NAGA: variants seen among roughly 807,000 people sequenced by gnomAD.
The protein encoded by NAGA is Acetylgalactosaminidase, alpha-N- (alpha-galactosidase B).
NAGA carries 42 observed loss-of-function variants against 45.6 expected under a neutral mutation model. That is an observed-to-expected ratio of 0.92 (90% CI 0.72 to 1.19). NAGA has a LOEUF of 1.19. NAGA is among the 50% of genes most tolerant of loss of function. The probability of loss-of-function intolerance (pLI) is 0.00; values close to 1 mark genes in which losing one functional copy is unlikely to be tolerated. For synonymous variants in NAGA, 176 were observed against 203.1 expected, an observed-to-expected ratio of 0.87 and a Z score of 1.13; for missense variants, 493 against 544.8, an observed-to-expected ratio of 0.90 and a Z score of 0.95.
intron 7 of NAGA, 100 bp downstream of exon 7, chr22:42,062,727 T>C: frequency 7.2e-7 from 1 of 1,396,586 alleles, no homozygotes. Context: ...GGGCGACTCC[T>C]GTACCTCGCC....
At position 42,067,759 on chromosome 22, in the gene NAGA, G is replaced by A. The variant is rs1312798607; in HGVS notation, c.324+6C>T. 2 of 1,611,260 alleles carry A rather than the reference G, an allele frequency of 1.2e-6. No individual in the cohort carries two copies. The highest frequency in any genetic ancestry group is 2.7e-5 in the African/African-American group (2 of 74,912). The stretch of plus-strand genomic sequence containing the variant: ...AGGCCAAGGGCAGGGCTGGGGTGCG[G>A]CTCACGTAGTCAGCCAGGAAAGGAA... On this transcript the variant is annotated splice_donor_region_variant and intron_variant, in intron 3 of 8. Transcript: ENST00000396398.
chr22:42,067,948 C>T lies in NAGA; in HGVS notation c.153-12G>A. On this transcript the variant is annotated splice_polypyrimidine_tract_variant and intron_variant, in intron 2 of 8. Coordinates refer to ENST00000396398, the MANE Select transcript of NAGA (RefSeq NM_000262.3). ...TGAAGAGCTGTTCACTAGTGAGGGG[C>T]AGAGGGATGGGGTAGCTCAGGGACC... 6.2e-7 allele frequency: 1 copy of T among 1,613,084 alleles called. No individual in the cohort carries two copies. The highest frequency in any genetic ancestry group is 8.5e-7 in the Non-Finnish European group (1 of 1,179,842).
chr22:42,061,056 G>GA lies in NAGA; in HGVS notation c.968dup (p.Ile324HisfsTer13), dbSNP rs1926353718. 1.2e-6 allele frequency: 2 copies of GA among 1,614,150 alleles called. No homozygotes were observed. Among genetic ancestry groups the GA allele is most frequent in the East Asian group, 4.5e-5 (2 of 44,888 alleles). On this transcript the variant is annotated frameshift_variant, in exon 8 of 9. Transcript: ENST00000396398. LOFTEE classifies it high-confidence loss of function. ...ACAGAGGCCGCATGTACACTTCGAT[G>GA]AGAGATTTTTCCTGGGCACAGAAGG...
At position 42,066,705 on chromosome 22, in the gene NAGA, C is replaced by A. The variant is rs1223521472; in HGVS notation, c.597+5G>T. The A allele has an allele frequency of 3.1e-6, 5 of 1,593,412 alleles. No individual in the cohort carries two copies. In the African/African-American group the frequency reaches 6.7e-5, roughly 21 times the overall value. ...CGCCATCAGGCAGGGGGCAGAATGGCTTACCCTTGGGGGGAGGCCGCCTTC... is the reference window on the plus strand; with the variant it reads ...CGCCATCAGGCAGGGGGCAGAATGGATTACCCTTGGGGGGAGGCCGCCTTC... On this transcript the variant is annotated splice_donor_5th_base_variant and intron_variant, in intron 5 of 8. Coordinates refer to ENST00000396398, the MANE Select transcript of NAGA (RefSeq NM_000262.3).
At position 42,067,290 on chromosome 22, in the gene NAGA, C is replaced by A; in HGVS notation, c.325G>T (p.Val109Phe). Residue 109 changes from valine to phenylalanine, a missense_variant and splice_region_variant, in exon 4 of 9, where the codon GTT becomes TTT. Transcript: ENST00000396398. The stretch of plus-strand genomic sequence containing the variant: ...CCCAACTTCAGGCCCAGGGAGTGAA[C>A]CTGTGGGGGTTTGAGGACACAGTGG... ...PHGIPFLADY[V>F]HSLGLKLGIY... The A allele has an allele frequency of 6.2e-7, 1 of 1,614,024 alleles. No individual in the cohort carries two copies. The highest frequency in any genetic ancestry group is 8.5e-7 in the Non-Finnish European group (1 of 1,179,994).
chr22:42,066,858 G>A, intron 4 of NAGA, 54 bp from the exon 5 acceptor site: 1 of 1,547,942 alleles, frequency 6.5e-7, no homozygotes, highest in East Asian at 2.4e-5. Context: ...GGCAGTCTGG[G>A]GCCTTAGCCC....
Position 42,060,020 on chromosome 22 carries a change from C to G in NAGA, c.*259G>C, listed in dbSNP as rs1926265199. ...GAGCTCAGGAGGCTGGCGAGTTGCT[C>G]AGCAACGTCTGTGGGGCTGCGCACA... On this transcript the variant is annotated 3_prime_UTR_variant, in exon 9 of 9. Transcript: ENST00000396398. The G allele has an allele frequency of 2.0e-6, 1 of 496,624 alleles. No individual in the cohort carries two copies. The highest frequency in any genetic ancestry group is 1.9e-5 in the African/African-American group (1 of 51,508). The allele number at this position is 496,624 out of a possible 1,614,324, so 30.8% of individuals were successfully genotyped here. A position where few individuals can be genotyped will look rare whatever the true frequency, so the allele number is the denominator to read the frequency against.
intron 7 of NAGA, 129 bp downstream of exon 7, chr22:42,062,698 G>A (rs1410595608): frequency 2.4e-5 from 24 of 1,014,966 alleles, no homozygotes; most frequent in Non-Finnish European, 3.2e-5. Context: ...ACCAGAAGGG[G>A]TAGCCCTGGT....
rs73167109 is a variant in NAGA, at chr22:42,068,641, C to T, written c.17-67G>A. On this transcript the variant is annotated intron_variant, in intron 1 of 8. Transcript: ENST00000396398. ...CCCACAGCTCCAGCCCTCATCCCACCCCATCTGTATGTTGCTCAGCCCTAC... is the reference window on the plus strand; with the variant it reads ...CCCACAGCTCCAGCCCTCATCCCACTCCATCTGTATGTTGCTCAGCCCTAC... 0.012 allele frequency: 19,611 copies of T among 1,597,948 alleles called. 155 individuals carry two copies. The highest frequency in any genetic ancestry group is 0.014 in the Non-Finnish European group (16,758 of 1,173,014).
intron 7 of NAGA, 138 bp downstream of exon 7, chr22:42,062,689 C>A: frequency 1.0e-6 from 1 of 953,862 alleles, no homozygotes; most frequent in Non-Finnish European, 1.7e-6. Flanking sequence ...CCATAAGCAA[C>A]CAGAAGGGGT....
At chr22:42,062,208 T>C (rs535897248) in intron 7 of NAGA, among the ~76,000 whole-genome samples, 5 of 152,204 alleles carry the variant, frequency 3.3e-5, no homozygotes, top group Admixed American at 2.0e-4. Flanking sequence ...GTGCGGTGGC[T>C]CATGCCTGTA....
chr22:42,066,448 A>G (rs1165719548), intron 5 of NAGA, among the ~76,000 whole-genome samples: 1 of 151,710 alleles, frequency 6.6e-6, no homozygotes, highest in African/African-American at 2.4e-5. Context: ...TCTGATGCCA[A>G]CTCCTTCAGC....
At position 42,060,073 on chromosome 22, in the gene NAGA, G is replaced by A; in HGVS notation, c.*206C>T. ...GAAGTAGAGGCCAGGAAGGCCACAG[G>A]AAAATTGCCCCAAAAGAAGTTTCCA... On this transcript the variant is annotated 3_prime_UTR_variant, in exon 9 of 9. Coordinates refer to ENST00000396398, the MANE Select transcript of NAGA (RefSeq NM_000262.3). 1.6e-6 allele frequency: 1 copy of A among 627,678 alleles called. No homozygotes were observed. The highest frequency in any genetic ancestry group is 2.8e-6 in the Non-Finnish European group (1 of 361,652). 38.9% of individuals were successfully genotyped at this position (627,678 alleles called of 1,614,324 possible). A position where few individuals can be genotyped will look rare whatever the true frequency, so the allele number is the denominator to read the frequency against.
rs1926290645 is a variant in NAGA at position 42,060,348 on chromosome 22, G to A, written c.1167C>T (p.Ile389=). 6.2e-7 allele frequency: 1 copy of A among 1,613,716 alleles called. No individual in the cohort carries two copies. Among genetic ancestry groups the A allele is most frequent in the East Asian group, 2.2e-5 (1 of 44,864 alleles). ...GLRDETNFTV[I]INPSGVVMWY... is the part of the protein sequence containing the mutation. Reference sequence around the variant, plus strand: ...ACATCACTACCCCTGAAGGGTTGATGATCACTGTGAAGTTGGTTTCATCTC... The same window carrying A: ...ACATCACTACCCCTGAAGGGTTGATAATCACTGTGAAGTTGGTTTCATCTC... The change falls in exon 9 of 9, where the codon ATC becomes ATT. Residue 389 remains isoleucine, a synonymous_variant. Coordinates refer to ENST00000396398, the MANE Select transcript of NAGA (RefSeq NM_000262.3).
chr22:42,063,393 C>T (rs1926525991), intron 6 of NAGA, among the ~76,000 whole-genome samples: 1 of 151,860 alleles, frequency 6.6e-6, no homozygotes, highest in Admixed American at 6.6e-5. Context: ...GTTCACAAGA[C>T]AGGAGGAGAG....
At position 42,067,122 on chromosome 22, in the gene NAGA, G is replaced by A. The variant is rs200080569; in HGVS notation, c.493C>T (p.Arg165Trp). The A allele has an allele frequency of 3.2e-4, 522 of 1,613,834 alleles. No homozygotes were observed. The highest frequency in any genetic ancestry group is 3.9e-4 in the Non-Finnish European group (455 of 1,179,988). Residue 165 changes from arginine (R) to tryptophan (W), a missense_variant, in exon 4 of 9, where the codon CGG (arginine) becomes TGG (tryptophan). Physicochemically the swap from Arg to Trp is moderately radical, Grantham distance 101. Transcript: ENST00000396398. ...CAGCTGCGTAACTCACCCTGGGCCC[G>A]CTCCTCGGGGGTGGAGAAGCAGCCA... The part of the protein sequence containing the change: ...LDGCFSTPEE[R>W]AQGYPKMAAA...
At chr22:42,067,066 C>G in intron 4 of NAGA, 47 bp downstream of exon 4, 1 of 1,609,204 alleles carries the variant, frequency 6.2e-7, no homozygotes, top group Non-Finnish European at 8.5e-7. Flanking sequence ...GTCTCCATGG[C>G]CACCCTCCCC....
In NAGA at chr22:42,060,026, C is replaced by G. The variant is rs1020979164; in HGVS notation, c.*253G>C. 2.0e-6 allele frequency: 1 copy of G among 506,078 alleles called. No homozygotes were observed. The highest frequency in any genetic ancestry group is 1.9e-5 in the African/African-American group (1 of 51,776). The allele number at this position is 506,078 out of a possible 1,614,324, so 31.3% of individuals were successfully genotyped here. ...AGGAGGCTGGCGAGTTGCTCAGCAA[C>G]GTCTGTGGGGCTGCGCACATGGAAG... On this transcript the variant is annotated 3_prime_UTR_variant, in exon 9 of 9. Coordinates refer to ENST00000396398, the MANE Select transcript of NAGA (RefSeq NM_000262.3).
chr22:42,065,691 G>A (rs766782035), intron 6 of NAGA, 47 bp downstream of exon 6: 11 of 1,611,004 alleles, frequency 6.8e-6, no homozygotes, highest in Non-Finnish European at 8.5e-6. Flanking sequence ...GGGGAGCAGG[G>A]TCGTCACAGA....
Sources: allele counts gnomAD v4.1 joint callset (sites outside exome capture counted in the v4.1 genomes callset), GRCh38; gene constraint gnomAD v4.1.1; transcripts MANE v1.5; gene names NCBI Gene and HGNC (gene_info 2026-07-23, HGNC 2026-07-21).